Variants in FOXN3 observed in about 807,000 individuals in gnomAD.
FOXN3 encodes forkhead box N3, also known as forkhead box protein N3.
In FOXN3, 7 loss-of-function variants were observed where a neutral mutation model predicts 38.4. The observed-to-expected ratio is 0.18, with a 90% CI of 0.10 to 0.34. The LOEUF (loss-of-function observed/expected upper bound fraction) is 0.34, where lower values mean the gene tolerates loss of function less well. Ranked by LOEUF, FOXN3 falls within the 10% of genes least tolerant of loss-of-function variation. The probability of loss-of-function intolerance (pLI) is 1.00; values close to 1 mark genes in which losing one functional copy is unlikely to be tolerated. For synonymous variants in FOXN3, 230 were observed against 242.2 expected (o/e 0.95, Z 0.47); for missense variants, 456 against 613.4 (o/e 0.74, Z 2.71).
At chr14:89,295,393 AGGTAT>A (rs1245337052) in intron 3 of FOXN3, among the ~76,000 whole-genome samples, 1 of 152,148 alleles carries the variant, frequency 6.6e-6, no homozygotes, top group Non-Finnish European at 1.5e-5. Context: ...TTTAACCCAC[AGGTAT>A]GTGTGTCTCA....
At chr14:89,356,152 C>T (rs530572110) in intron 2 of FOXN3, among the ~76,000 whole-genome samples, 1 of 151,652 alleles carries the variant, frequency 6.6e-6, no homozygotes, top group African/African-American at 2.4e-5. Flanking sequence ...AATCCCAGCA[C>T]TTTGGGAGGC....
At chr14:89,210,307 C>A (rs931397045) in intron 4 of FOXN3, among the ~76,000 whole-genome samples, 2 of 152,166 alleles carry the variant, frequency 1.3e-5, no homozygotes, top group African/African-American at 4.8e-5. Context: ...CCCCTCTCAC[C>A]CTCCTATGAA....
intron 3 of FOXN3, among the ~76,000 whole-genome samples, chr14:89,315,051 C>T (rs1431441313): frequency 2.0e-5 from 3 of 151,988 alleles, no homozygotes; most frequent in African/African-American, 7.2e-5. Flanking sequence ...CCTAAATGCA[C>T]TTGATAGATG....
chr14:89,384,007 G>A (rs1311896978), intron 2 of FOXN3, among the ~76,000 whole-genome samples: 3 of 151,638 alleles, frequency 2.0e-5, no homozygotes, highest in African/African-American at 7.3e-5. Flanking sequence ...GACTCCAGGT[G>A]GACATGAATT....
chr14:89,366,733 C>G (rs568251481), intron 2 of FOXN3, among the ~76,000 whole-genome samples: 1 of 152,176 alleles, frequency 6.6e-6, no homozygotes, highest in Non-Finnish European at 1.5e-5. Context: ...CTTCCAGTAC[C>G]TCCACTTTCT....
intron 1 of FOXN3, among the ~76,000 whole-genome samples, chr14:89,536,761 G>A (rs1224965067): frequency 6.6e-6 from 1 of 150,772 alleles, no homozygotes; most frequent in African/African-American, 2.4e-5. Context: ...CTGGGCGACA[G>A]AGCAAGTCTC....
At chr14:89,591,543 T>C (rs1596326862) in intron 1 of FOXN3, among the ~76,000 whole-genome samples, 1 of 152,238 alleles carries the variant, frequency 6.6e-6, no homozygotes, top group Non-Finnish European at 1.5e-5. Flanking sequence ...TAAGCTCTTC[T>C]GAACCTTGTA....
At chr14:89,287,348 T>G (rs750455406) in intron 3 of FOXN3, among the ~76,000 whole-genome samples, 10 of 152,020 alleles carry the variant, frequency 6.6e-5, no homozygotes, top group Admixed American at 2.0e-4. Flanking sequence ...GAGACACAGT[T>G]TCGCCATTGG....
chr14:89,505,023 G>A (rs1211609445), intron 1 of FOXN3, among the ~76,000 whole-genome samples: 1 of 152,166 alleles, frequency 6.6e-6, no homozygotes, highest in Non-Finnish European at 1.5e-5. Context: ...GCGAAATACA[G>A]CATACGGTGG....
chr14:89,476,445 C>T (rs994195435), intron 1 of FOXN3, among the ~76,000 whole-genome samples: 24 of 152,212 alleles, frequency 1.6e-4, no homozygotes, highest in African/African-American at 4.8e-4. Context: ...AATGCTCTCG[C>T]GTGTACTATG....
intron 1 of FOXN3, among the ~76,000 whole-genome samples, chr14:89,447,174 C>A (rs529853274): frequency 7.3e-6 from 1 of 137,492 alleles, no homozygotes; most frequent in Non-Finnish European, 1.5e-5. Flanking sequence ...CCAGCCTGGA[C>A]AACAAGAGCA....
intron 1 of FOXN3, among the ~76,000 whole-genome samples, chr14:89,553,301 A>G (rs1028388922): frequency 6.7e-6 from 1 of 150,326 alleles, no homozygotes; most frequent in Non-Finnish European, 1.5e-5. Flanking sequence ...GGGGGGCTAC[A>G]TTTGGCCTCA....
At chr14:89,375,341 T>C (rs1327151377) in intron 2 of FOXN3, among the ~76,000 whole-genome samples, 3 of 152,186 alleles carry the variant, frequency 2.0e-5, no homozygotes, top group Non-Finnish European at 4.4e-5. Flanking sequence ...TTTAAATTTT[T>C]TTAAGAAGTA....
intron 1 of FOXN3, among the ~76,000 whole-genome samples, chr14:89,613,231 G>T (rs909800573): frequency 1.3e-5 from 2 of 151,956 alleles, no homozygotes; most frequent in East Asian, 1.9e-4. Context: ...TAAGAAAGTG[G>T]CATCTGCAAA....
chr14:89,190,493 G>A (rs367702283), intron 4 of FOXN3: 217 of 1,509,570 alleles, frequency 1.4e-4, no homozygotes, highest in Non-Finnish European at 1.9e-4. Flanking sequence ...CAACGGGGCC[G>A]GTGTGTGTGT....
intron 1 of FOXN3, among the ~76,000 whole-genome samples, chr14:89,476,134 G>A (rs549198654): frequency 3.2e-4 from 49 of 152,232 alleles, no homozygotes; most frequent in African/African-American, 1.1e-3. Flanking sequence ...CTTGCTCTCG[G>A]ATGTTTGCAT....
chr14:89,439,943 C>T (rs922718557), intron 1 of FOXN3, among the ~76,000 whole-genome samples: 3 of 152,114 alleles, frequency 2.0e-5, no homozygotes, highest in Non-Finnish European at 2.9e-5. Flanking sequence ...CGTGACCCAC[C>T]GCGTCCAGCC....
intron 1 of FOXN3, among the ~76,000 whole-genome samples, chr14:89,507,036 A>C (rs541544430): frequency 1.5e-4 from 22 of 151,470 alleles, no homozygotes; most frequent in African/African-American, 4.8e-4. Flanking sequence ...ACCTTTGTTC[A>C]CTTGTTTATC....
intron 2 of FOXN3, among the ~76,000 whole-genome samples, chr14:89,403,354 T>C (rs4904565): frequency 0.93 from 141,281 of 152,258 alleles, 66,065 homozygotes; most frequent in East Asian, 1. Context: ...CATGCCACCA[T>C]GCCCAATTAA....
Sources: gnomAD v4.1 joint callset for allele counts (sites outside exome capture counted in the v4.1 genomes callset) on GRCh38, gnomAD v4.1.1 for gene constraint, MANE v1.5 for transcripts, NCBI Gene and HGNC (gene_info 2026-07-23, HGNC 2026-07-21) for gene names.